Variants in EIF2A observed in about 807,000 individuals in gnomAD.
The protein encoded by EIF2A is 65 kDa eukaryotic translation initiation factor 2A.
In EIF2A, 62 loss-of-function variants were observed where a neutral mutation model predicts 75.2. That is an observed-to-expected ratio of 0.82 (90% CI 0.67 to 1.02). The LOEUF (loss-of-function observed/expected upper bound fraction) is 1.02. Among genes scored for constraint, EIF2A ranks in the 50% least tolerant of loss-of-function variants. The pLI is 0.00. For synonymous variants in EIF2A, 207 were observed against 239.0 expected (o/e 0.87, Z 1.23); for missense variants, 611 against 677.7 (o/e 0.90, Z 1.09).
rs757233520 is a variant in EIF2A at position 150,585,454 on chromosome 3, G to C, written c.*1543G>C. On this transcript the variant is annotated 3_prime_UTR_variant, in exon 14 of 14. Transcript: ENST00000460851. ...AAATTGTTTGAACCCGGCAGACAGAGGTTGCAGTGAGCCGACATCGTGCCA... is the reference window on the plus strand; with the variant it reads ...AAATTGTTTGAACCCGGCAGACAGACGTTGCAGTGAGCCGACATCGTGCCA... The C allele has an allele frequency of 1.3e-5, 2 of 152,258 alleles. No homozygotes were observed. Among genetic ancestry groups the C allele is most frequent in the African/African-American group, 2.4e-5 (1 of 41,432 alleles). 9.4% of individuals were successfully genotyped at this position (152,258 alleles called of 1,614,324 possible). A position where few individuals can be genotyped will look rare whatever the true frequency, so the allele number is the denominator to read the frequency against.
At chr3:150,565,315 C>G (rs1724113264) in intron 6 of EIF2A, 1 of 413,614 alleles carries the variant, frequency 2.4e-6, no homozygotes, top group South Asian at 1.8e-5. Flanking sequence ...ATTTTGTAGG[C>G]TTAGCTGACA....
chr3:150,551,316 G>T (rs7639294), intron 1 of EIF2A, among the ~76,000 whole-genome samples: 47,890 of 151,890 alleles, frequency 0.32, 8,259 homozygotes, highest in East Asian at 0.49. Flanking sequence ...CTATTATTTC[G>T]CCAATGTTCA....
Position 150,583,970 on chromosome 3 carries a change from C to A in EIF2A, c.*59C>A. On this transcript the variant is annotated 3_prime_UTR_variant, in exon 14 of 14. Transcript: ENST00000460851. ...CAGTGCAAACACATCTTCTGTTAAA[C>A]CCATTGGTATACACAGAATATTCCT... 1 of 1,528,430 alleles carries A rather than the reference C, an allele frequency of 6.5e-7. No homozygotes were observed. Among genetic ancestry groups the A allele is most frequent in the Non-Finnish European group, 9.1e-7 (1 of 1,104,096 alleles). The allele number at this position is 1,528,430 out of a possible 1,614,324, so 94.7% of individuals were successfully genotyped here. A position where few individuals can be genotyped will look rare whatever the true frequency, so the allele number is the denominator to read the frequency against.
intron 6 of EIF2A, chr3:150,565,824 T>G (rs1023467703): frequency 6.7e-6 from 1 of 149,410 alleles, no homozygotes; most frequent in Non-Finnish European, 1.5e-5. Flanking sequence ...AGATGGAGTT[T>G]CGCTGTTGTT....
In EIF2A at chr3:150,562,628, A is replaced by T; in HGVS notation, c.260A>T (p.Asn87Ile). The change falls in exon 4 of 14, where the codon AAT becomes ATT. Residue 87 changes from asparagine (N) to isoleucine (I), a missense_variant. Coordinates refer to ENST00000460851, the MANE Select transcript of EIF2A (RefSeq NM_032025.5). ...KAVCLEFSPK[N>I]TVLATWQPYT... ...GTTTGCCTTGAATTCTCACCCAAAA[A>T]TACTGTCCTGGCAACGTGGCAGCCT... 6.2e-7 allele frequency: 1 copy of T among 1,613,474 alleles called. No individual in the cohort carries two copies. The highest frequency in any genetic ancestry group is 8.5e-7 in the Non-Finnish European group (1 of 1,179,594).
rs1725347369 is a variant in EIF2A, at chr3:150,584,175, CA to C, written c.*266del. The C allele has an allele frequency of 3.1e-6, 1 of 322,008 alleles. No individual in the cohort carries two copies. The highest frequency in any genetic ancestry group is 9.1e-5 in the South Asian group (1 of 10,944). 19.9% of individuals were successfully genotyped at this position (322,008 alleles called of 1,614,324 possible). A position where few individuals can be genotyped will look rare whatever the true frequency, so the allele number is the denominator to read the frequency against. On this transcript the variant is annotated 3_prime_UTR_variant, in exon 14 of 14. Coordinates refer to ENST00000460851, the MANE Select transcript of EIF2A (RefSeq NM_032025.5). ...TAGCTAAGCTTGACAGATTGAAAGACAAGTGTCATTTTTTTTTGTAGAGGGT... is the reference window on the plus strand; with the variant it reads ...TAGCTAAGCTTGACAGATTGAAAGACAGTGTCATTTTTTTTTGTAGAGGGT...
At chr3:150,579,912 A>G (rs980514918) in intron 11 of EIF2A, among the ~76,000 whole-genome samples, 1 of 152,114 alleles carries the variant, frequency 6.6e-6, no homozygotes, top group African/African-American at 2.4e-5. Context: ...TCCACTGGAA[A>G]TTCTATAAGA....
chr3:150,557,391 G>C (rs1049542391), intron 2 of EIF2A, among the ~76,000 whole-genome samples: 1 of 152,064 alleles, frequency 6.6e-6, no homozygotes, highest in East Asian at 1.9e-4. Flanking sequence ...AGCTGTTTAT[G>C]TGGGAAAGAT....
chr3:150,549,218 CTTTCTT>C (rs1270067506), intron 1 of EIF2A, among the ~76,000 whole-genome samples: 3 of 100,720 alleles, frequency 3.0e-5, no homozygotes, highest in Non-Finnish European at 5.9e-5. Flanking sequence ...TTCTTTCTTT[CTTTCTT>C]TTTTTTTTTT....
chr3:150,563,443 TAATA>T, intron 4 of EIF2A, 68 bp from the exon 5 acceptor site: 1 of 1,267,854 alleles, frequency 7.9e-7, no homozygotes, highest in Non-Finnish European at 1.1e-6. Flanking sequence ...ATATCAAACT[TAATA>T]AATAAGAAAA....
intron 10 of EIF2A, among the ~76,000 whole-genome samples, chr3:150,574,028 G>GGT (rs1724703038): frequency 6.6e-6 from 1 of 152,046 alleles, no homozygotes; most frequent in African/African-American, 2.4e-5. Context: ...AGGGCAACAT[G>GGT]GTGAGACCCC....
At position 150,583,858 on chromosome 3, in the gene EIF2A, CAGAA is replaced by C; in HGVS notation, c.1711_1714del (p.Glu571GlnfsTer22). 1 of 1,613,198 alleles carries C rather than the reference CAGAA, an allele frequency of 6.2e-7. No homozygotes were observed. Among genetic ancestry groups the C allele is most frequent in the Non-Finnish European group, 8.5e-7 (1 of 1,179,572 alleles). On this transcript the variant is annotated frameshift_variant, in exon 14 of 14. Coordinates refer to ENST00000460851, the MANE Select transcript of EIF2A (RefSeq NM_032025.5). LOFTEE classifies it high-confidence loss of function. Reference sequence around the variant, plus strand: ...CAAACTTTTCTAGTTGGAGAAAATTCAGAAAGAAACAGCCCTTCTCCAGGAGCTG... The same window carrying C: ...CAAACTTTTCTAGTTGGAGAAAATTCAGAAACAGCCCTTCTCCAGGAGCTG...
At chr3:150,572,644 C>G (rs1724604848) in intron 10 of EIF2A, 115 bp downstream of exon 10, 3 of 1,033,422 alleles carry the variant, frequency 2.9e-6, no homozygotes, top group Admixed American at 2.6e-5. Flanking sequence ...CACTTGAGGT[C>G]AGGAGTTTGA....
intron 12 of EIF2A, 96 bp from the exon 13 acceptor site, chr3:150,583,102 AAT>A: frequency 1.1e-6 from 1 of 945,962 alleles, no homozygotes; most frequent in Non-Finnish European, 1.6e-6. Flanking sequence ...AATCTAAGAT[AAT>A]TAATCTCCTT....
Position 150,584,659 on chromosome 3 carries a change from G to A in EIF2A, c.*748G>A, listed in dbSNP as rs1725371111. On this transcript the variant is annotated 3_prime_UTR_variant, in exon 14 of 14. Coordinates refer to ENST00000460851, the MANE Select transcript of EIF2A (RefSeq NM_032025.5). The stretch of plus-strand genomic sequence containing the variant: ...TTTGATAAAGAGGAAATGATTGTTT[G>A]TTACTGTTATATACATGTATTTTTA... 6.6e-6 allele frequency among the ~76,000 whole-genome samples: 1 copy of A among 152,144 alleles called. No homozygotes were observed. The highest frequency in any genetic ancestry group is 1.5e-5 in the Non-Finnish European group (1 of 68,016).
At chr3:150,574,997 A>G (rs1037478202) in intron 10 of EIF2A, among the ~76,000 whole-genome samples, 5 of 152,206 alleles carry the variant, frequency 3.3e-5, no homozygotes, top group African/African-American at 1.2e-4. Context: ...ATAATTCACC[A>G]TCTTTTCTAT....
Position 150,572,457 on chromosome 3 carries a change from T to C in EIF2A, c.1311T>C (p.Asn437=). 1 of 1,613,938 alleles carries C rather than the reference T, an allele frequency of 6.2e-7. No individual in the cohort carries two copies. The change falls in exon 10 of 14, where the codon AAT becomes AAC. Residue 437 remains asparagine, a synonymous_variant. Transcript: ENST00000460851. The part of the protein sequence containing the change: ...TYQAVPSEVP[N]EEPKVATAYR... ...AAGCAGTTCCAAGTGAAGTACCCAA[T>C]GAGGAACCTAAAGTTGCAACAGCTT... is the stretch of plus-strand genomic sequence containing the variant.
chr3:150,548,268 CA>C (rs1723146804), intron 1 of EIF2A, among the ~76,000 whole-genome samples: 1 of 152,184 alleles, frequency 6.6e-6, no homozygotes, highest in South Asian at 2.1e-4. Context: ...AATTAAAATT[CA>C]TTTTAGATAT....
intron 10 of EIF2A, among the ~76,000 whole-genome samples, chr3:150,575,373 G>A (rs1204961156): frequency 1.3e-5 from 2 of 152,158 alleles, no homozygotes; most frequent in Non-Finnish European, 2.9e-5. Flanking sequence ...TCATGTGTCT[G>A]TAGTAGTGCT....
Sources: gnomAD v4.1 joint callset for allele counts (sites outside exome capture counted in the v4.1 genomes callset) on GRCh38, gnomAD v4.1.1 for gene constraint, MANE v1.5 for transcripts, NCBI Gene and HGNC (gene_info 2026-07-23, HGNC 2026-07-21) for gene names.